Variants in GPC5 observed in about 807,000 individuals in gnomAD.
GPC5 encodes glypican-5.
Under a neutral mutation model 53.9 loss-of-function variants are expected in GPC5, and 47 were observed. That is an observed-to-expected ratio of 0.87 (90% CI 0.69 to 1.11). GPC5 has a LOEUF of 1.11. Ranked by LOEUF, GPC5 falls within the 50% of genes most tolerant of loss-of-function variation. The pLI is 0.00. For synonymous variants in GPC5, 286 were observed against 263.3 expected, an observed-to-expected ratio of 1.09 and a Z score of -0.84; for missense variants, 748 against 713.1, an observed-to-expected ratio of 1.05 and a Z score of -0.56.
At chr13:92,650,716 A>G (rs1224288943) in intron 7 of GPC5, among the ~76,000 whole-genome samples, 1 of 152,190 alleles carries the variant, frequency 6.6e-6, no homozygotes, top group Non-Finnish European at 1.5e-5. Context: ...ATGGACTTAA[A>G]AAAAGACAGC....
At chr13:91,533,612 A>G (rs948187872) in intron 2 of GPC5, among the ~76,000 whole-genome samples, 6 of 152,206 alleles carry the variant, frequency 3.9e-5, no homozygotes, top group Non-Finnish European at 2.9e-5. Context: ...AAAATGCTAC[A>G]CAACAGAACT....
chr13:91,468,857 G>A (rs770159738), intron 2 of GPC5, among the ~76,000 whole-genome samples: 18 of 146,852 alleles, frequency 1.2e-4, no homozygotes, highest in African/African-American at 2.7e-4. Context: ...AGTTTTCTTC[G>A]TAGCTAAGAT....
chr13:91,534,462 A>T (rs1347315397), intron 2 of GPC5, among the ~76,000 whole-genome samples: 4 of 152,250 alleles, frequency 2.6e-5, no homozygotes, highest in Non-Finnish European at 5.9e-5. Context: ...AATACTATGC[A>T]TGCATTTAGA....
intron 7 of GPC5, among the ~76,000 whole-genome samples, chr13:92,163,751 G>A (rs553298252): frequency 5.3e-5 from 8 of 151,818 alleles, no homozygotes; most frequent in African/African-American, 1.9e-4. Context: ...CAAAGATGAA[G>A]TTTGTTGATC....
At chr13:92,389,825 T>A (rs970379265) in intron 7 of GPC5, among the ~76,000 whole-genome samples, 6 of 152,192 alleles carry the variant, frequency 3.9e-5, no homozygotes, top group African/African-American at 1.4e-4. Flanking sequence ...TACAGAAATG[T>A]AAAATATTAT....
In GPC5 at chr13:91,436,898, T is replaced by G. The variant is rs1263328443; in HGVS notation, c.164-11863T>G. ...GTATTGGGTGCATATATATTTAAGA[T>G]AGTTAGCTCTTCTTGTTGAATTGAT... On this transcript the variant is annotated intron_variant, in intron 1 of 7. Coordinates refer to ENST00000377067, the MANE Select transcript of GPC5 (RefSeq NM_004466.6). Among the ~76,000 whole-genome samples, 8 of 152,348 alleles carry G rather than the reference T, an allele frequency of 5.3e-5. No individual in the cohort carries two copies. The South Asian group carries it at 1.2e-3, about 24-fold the overall frequency.
chr13:92,443,270 G>T (rs1877649974), intron 7 of GPC5, among the ~76,000 whole-genome samples: 1 of 152,110 alleles, frequency 6.6e-6, no homozygotes, highest in Admixed American at 6.5e-5. Flanking sequence ...CATCCATGAG[G>T]GCTCTGCCTG....
chr13:92,446,264 C>T (rs182336812), intron 7 of GPC5, among the ~76,000 whole-genome samples: 2 of 151,690 alleles, frequency 1.3e-5, no homozygotes, highest in Admixed American at 6.6e-5. Flanking sequence ...CCTTCCCAGC[C>T]TCTGGTAACC....
At chr13:92,736,730 T>G (rs1888945229) in intron 7 of GPC5, among the ~76,000 whole-genome samples, 1 of 151,988 alleles carries the variant, frequency 6.6e-6, no homozygotes, top group Non-Finnish European at 1.5e-5. Context: ...TGTTCTTGCT[T>G]GTCTCCCTAA....
At chr13:92,091,774 A>C (rs2041383015) in intron 6 of GPC5, among the ~76,000 whole-genome samples, 1 of 152,030 alleles carries the variant, frequency 6.6e-6, no homozygotes, top group African/African-American at 2.4e-5. Flanking sequence ...AAAAAAAAAA[A>C]AAAAAACAAT....
intron 6 of GPC5, among the ~76,000 whole-genome samples, chr13:92,002,339 G>C (rs1204957191): frequency 6.6e-6 from 1 of 152,094 alleles, no homozygotes; most frequent in Non-Finnish European, 1.5e-5. Flanking sequence ...TTTTCACCTA[G>C]ACTCCCAAGC....
At chr13:91,730,776 A>AT (rs1237708082) in intron 4 of GPC5, among the ~76,000 whole-genome samples, 1 of 152,054 alleles carries the variant, frequency 6.6e-6, no homozygotes, top group East Asian at 1.9e-4. Flanking sequence ...GAATAATATG[A>AT]TTTTTTTCTA....
At chr13:92,541,735 T>C (rs1327213328) in intron 7 of GPC5, among the ~76,000 whole-genome samples, 1 of 151,902 alleles carries the variant, frequency 6.6e-6, no homozygotes, top group African/African-American at 2.4e-5. Context: ...TCTAACTTTT[T>C]TGTTTGTTTG....
chr13:92,176,173 A>G (rs1284710098), intron 7 of GPC5, among the ~76,000 whole-genome samples: 1 of 152,238 alleles, frequency 6.6e-6, no homozygotes, highest in Non-Finnish European at 1.5e-5. Flanking sequence ...CTAATTCAGT[A>G]AGTCTAGGAT....
chr13:92,025,476 C>A (rs1294777225), intron 6 of GPC5, among the ~76,000 whole-genome samples: 1 of 152,130 alleles, frequency 6.6e-6, no homozygotes, highest in Non-Finnish European at 1.5e-5. Flanking sequence ...AGTCCATCAG[C>A]TCATAAGCAG....
intron 7 of GPC5, among the ~76,000 whole-genome samples, chr13:92,484,307 G>A (rs760301047): frequency 6.6e-6 from 1 of 152,142 alleles, no homozygotes; most frequent in Non-Finnish European, 1.5e-5. Flanking sequence ...TGAAGGATCT[G>A]TCTGAAGCTG....
intron 2 of GPC5, among the ~76,000 whole-genome samples, chr13:91,654,006 G>A (rs999493642): frequency 3.8e-4 from 58 of 152,064 alleles, no homozygotes; most frequent in African/African-American, 1.4e-3. Context: ...CCCATCTTCA[G>A]GTAACCATTG....
chr13:92,585,038 G>C (rs576496227), intron 7 of GPC5, among the ~76,000 whole-genome samples: 1 of 152,262 alleles, frequency 6.6e-6, no homozygotes, highest in South Asian at 2.1e-4. Flanking sequence ...GGCTCATGGA[G>C]AACTTCCGCT....
rs900106845 is a variant in GPC5 at position 92,498,622 on chromosome 13, T to C, written c.1561+353633T>C. On this transcript the variant is annotated intron_variant, in intron 7 of 7. Transcript: ENST00000377067. ...CGACCTGATGGTCACCTGACATTCCTGGTTTGCAGGGCAGAGGGTGGGAGA... is the reference window on the plus strand; with the variant it reads ...CGACCTGATGGTCACCTGACATTCCCGGTTTGCAGGGCAGAGGGTGGGAGA... Among the ~76,000 whole-genome samples, 8 of 152,146 alleles carry C rather than the reference T, an allele frequency of 5.3e-5. 1 individual carries two copies. The East Asian group carries it at 9.7e-4, about 18-fold the overall frequency.
Sources: gnomAD v4.1 joint callset for allele counts (sites outside exome capture counted in the v4.1 genomes callset) on GRCh38, gnomAD v4.1.1 for gene constraint, MANE v1.5 for transcripts, NCBI Gene and HGNC (gene_info 2026-07-23, HGNC 2026-07-21) for gene names.